Variants in R3HDM1 observed in about 807,000 individuals in gnomAD.
R3HDM1 encodes the protein R3H domain-containing protein 1.
In R3HDM1, 46 loss-of-function variants were observed where a neutral mutation model predicts 141.1. The ratio of observed to expected loss-of-function variants is 0.33; its 90% confidence interval spans 0.26 to 0.42. The LOEUF (loss-of-function observed/expected upper bound fraction) is 0.42, where lower values mean the gene tolerates loss of function less well. Among genes scored for constraint, R3HDM1 ranks in the 10% least tolerant of loss-of-function variants. The pLI is 1.00. For synonymous variants in R3HDM1, 435 were observed against 472.9 expected, an observed-to-expected ratio of 0.92 and a Z score of 1.04; for missense variants, 1,184 against 1,368.3, an observed-to-expected ratio of 0.87 and a Z score of 2.12.
intron 1 of R3HDM1, chr2:135,586,887 A>G (rs998937103): frequency 1.9e-5 from 19 of 984,944 alleles, no homozygotes; most frequent in Middle Eastern, 5.2e-4. Flanking sequence ...TAGACATACT[A>G]TATGGCTTGT....
Position 135,576,749 on chromosome 2 carries a change from C to T in R3HDM1, c.-249-25751C>T, listed in dbSNP as rs558614223. Among the ~76,000 whole-genome samples, 33 of 152,142 alleles carry T rather than the reference C, an allele frequency of 2.2e-4. No individual in the cohort carries two copies. In the South Asian group the frequency reaches 5.8e-3, roughly 27 times the overall value. On this transcript the variant is annotated intron_variant, in intron 1 of 26. Transcript: ENST00000683871. ...TATACTAAGTGAAATAAAGCAGTCA[C>T]AAAAGGCCACAGGTTGTATGATTTC...
At chr2:135,713,709 G>C (rs1475421622) in intron 23 of R3HDM1, among the ~76,000 whole-genome samples, 1 of 152,112 alleles carries the variant, frequency 6.6e-6, no homozygotes, top group Non-Finnish European at 1.5e-5. Flanking sequence ...AAAGGAACTA[G>C]GGCTCCTTAG....
At chr2:135,556,691 T>G (rs944982572) in intron 1 of R3HDM1, among the ~76,000 whole-genome samples, 5 of 152,016 alleles carry the variant, frequency 3.3e-5, no homozygotes, top group Admixed American at 6.6e-5. Context: ...GCTAATTTTT[T>G]GTATTTTTAG....
intron 21 of R3HDM1, among the ~76,000 whole-genome samples, chr2:135,706,689 TG>T (rs1477199903): frequency 6.6e-6 from 1 of 152,130 alleles, no homozygotes; most frequent in East Asian, 1.9e-4. Context: ...AGCACAGGGT[TG>T]GGGGTAAGGT....
intron 3 of R3HDM1, 41 bp downstream of exon 3, chr2:135,605,057 C>A: frequency 7.1e-7 from 1 of 1,406,260 alleles, no homozygotes; most frequent in Non-Finnish European, 9.9e-7. Context: ...ACTAAATATT[C>A]AGTATATATT....
At chr2:135,533,491 G>T (rs1695371240) in intron 1 of R3HDM1, among the ~76,000 whole-genome samples, 1 of 152,158 alleles carries the variant, frequency 6.6e-6, no homozygotes, top group Non-Finnish European at 1.5e-5. Flanking sequence ...TTTCTTCCTG[G>T]CTGTTGGATC....
intron 16 of R3HDM1, among the ~76,000 whole-genome samples, chr2:135,645,812 A>G (rs2064335194): frequency 6.6e-6 from 1 of 152,242 alleles, no homozygotes; most frequent in Admixed American, 6.5e-5. Context: ...GGACAACAGG[A>G]GAAATAAAAA....
intron 18 of R3HDM1, among the ~76,000 whole-genome samples, chr2:135,655,520 T>C (rs1272251420): frequency 6.6e-6 from 1 of 151,950 alleles, no homozygotes; most frequent in African/African-American, 2.4e-5. Context: ...GTTGTTGTTG[T>C]TTTTGAGATG....
intron 21 of R3HDM1, among the ~76,000 whole-genome samples, chr2:135,691,036 T>C (rs1420876147): frequency 6.6e-6 from 1 of 152,234 alleles, no homozygotes. Flanking sequence ...AAAATACTTC[T>C]CTTATATCTG....
chr2:135,721,877 C>A, intron 24 of R3HDM1, 47 bp from the exon 25 acceptor site: 1 of 1,539,394 alleles, frequency 6.5e-7, no homozygotes, highest in South Asian at 1.1e-5. Context: ...CATGAACCAC[C>A]GTGCCCGGCC....
chr2:135,576,297 C>A (rs905362849), intron 1 of R3HDM1, among the ~76,000 whole-genome samples: 4 of 151,644 alleles, frequency 2.6e-5, no homozygotes, highest in African/African-American at 9.7e-5. Context: ...GAACCCGGGA[C>A]ATCCAAGACA....
chr2:135,660,401 G>T (rs554280238), intron 18 of R3HDM1, among the ~76,000 whole-genome samples: 4 of 152,242 alleles, frequency 2.6e-5, no homozygotes, highest in African/African-American at 9.6e-5. Context: ...ATAATTTCAT[G>T]CATGATGTAA....
chr2:135,595,490 G>C (rs548652272), intron 1 of R3HDM1, among the ~76,000 whole-genome samples: 1 of 152,300 alleles, frequency 6.6e-6, no homozygotes, highest in East Asian at 1.9e-4. Context: ...TGAAAAAGCT[G>C]CTTAATCTTC....
Position 135,651,859 on chromosome 2 carries a change from A to G in R3HDM1, c.1855A>G (p.Ile619Val), listed in dbSNP as rs1244838775. 1 of 1,613,894 alleles carries G rather than the reference A, an allele frequency of 6.2e-7. No individual in the cohort carries two copies. Among genetic ancestry groups the G allele is most frequent in the African/African-American group, 1.3e-5 (1 of 74,862 alleles). The change falls in exon 18 of 27, where the codon ATC (isoleucine) becomes GTC (valine). Residue 619 changes from isoleucine to valine, a missense_variant. Transcript: ENST00000683871. ...VLQSPQQSGYIMTAAPPPHPP... is the reference protein window; with the variant it reads ...VLQSPQQSGYVMTAAPPPHPP... ...TCAGTCTCCACAGCAGTCTGGTTAT[A>G]TCATGACAGCAGCCCCTCCACCACA...
intron 1 of R3HDM1, among the ~76,000 whole-genome samples, chr2:135,554,801 C>G (rs1700427871): frequency 6.6e-6 from 1 of 152,148 alleles, no homozygotes; most frequent in African/African-American, 2.4e-5. Context: ...TTTTAAGGAA[C>G]CAACCCTGCC....
At position 135,639,019 on chromosome 2, in the gene R3HDM1, G is replaced by A. The variant is rs1330170279; in HGVS notation, c.1116G>A (p.Leu372=). ...ATTCAGACAGCTCTCTTCGAAACCT[G>A]AAACCTGCTGTAACCAAAGCCAGCA... ...STDSDSSLRN[L]KPAVTKASSF... is the part of the protein sequence containing the mutation. Residue 372 remains leucine (L), a synonymous_variant, in exon 14 of 27, where the codon CTG becomes CTA. Transcript: ENST00000683871. 1.9e-6 allele frequency: 3 copies of A among 1,614,156 alleles called. No homozygotes were observed. In the East Asian group the frequency reaches 6.7e-5, roughly 36 times the overall value.
At chr2:135,582,991 T>A (rs1269376321) in intron 1 of R3HDM1, among the ~76,000 whole-genome samples, 1 of 152,234 alleles carries the variant, frequency 6.6e-6, no homozygotes, top group Non-Finnish European at 1.5e-5. Flanking sequence ...CCTTCTGTCT[T>A]CACCAGTTCT....
At chr2:135,695,268 C>T (rs2073066578) in intron 21 of R3HDM1, among the ~76,000 whole-genome samples, 1 of 152,118 alleles carries the variant, frequency 6.6e-6, no homozygotes, top group East Asian at 1.9e-4. Flanking sequence ...TTACCTGTCT[C>T]CAATCAAAAA....
At chr2:135,723,758 C>A (rs1379577734) in intron 26 of R3HDM1, among the ~76,000 whole-genome samples, 179 bp from the exon 27 acceptor site, 1 of 111,218 alleles carries the variant, frequency 9.0e-6, no homozygotes, top group Admixed American at 1.3e-4. Context: ...GCCTGGGAGA[C>A]AGAGTCAGAC....
Sources: allele counts gnomAD v4.1 joint callset (sites outside exome capture counted in the v4.1 genomes callset), GRCh38; gene constraint gnomAD v4.1.1; transcripts MANE v1.5; gene names NCBI Gene and HGNC (gene_info 2026-07-23, HGNC 2026-07-21).